Variants in ERI3 observed in about 807,000 individuals in gnomAD.
The protein encoded by ERI3 is ERI1 exoribonuclease 3.
ERI3 carries 18 observed loss-of-function variants against 44.4 expected under a neutral mutation model. The ratio of observed to expected loss-of-function variants is 0.41; its 90% CI spans 0.28 to 0.60. The LOEUF (loss-of-function observed/expected upper bound fraction) is 0.60. Ranked by LOEUF, ERI3 falls within the 20% of genes least tolerant of loss-of-function variation. The pLI, the probability that ERI3 is intolerant of heterozygous loss-of-function variation, is 0.36. For synonymous variants in ERI3, 183 were observed against 164.8 expected (o/e 1.11, Z -0.84); for missense variants, 294 against 435.5 (o/e 0.68, Z 2.89).
At position 44,241,089 on chromosome 1, in the gene ERI3, TGTC is replaced by T. The variant is rs1644423108; in HGVS notation, c.931+6847_931+6849del. On this transcript the variant is annotated intron_variant, in intron 8 of 8. Coordinates refer to ENST00000372257, the MANE Select transcript of ERI3 (RefSeq NM_024066.3). This position sits in a 1 kb window ranked among gnomAD's most constrained non-coding sequence, Gnocchi z 5.6. ...CTGTGAATGCCACTGGAGTGAAGGCTGTCTGTGCCACTCTAGGGATTGATTCTC... is the reference window on the plus strand; with the variant it reads ...CTGTGAATGCCACTGGAGTGAAGGCTTGTGCCACTCTAGGGATTGATTCTC... Among the ~76,000 whole-genome samples the T allele has an allele frequency of 6.6e-6, 1 of 152,176 alleles. No homozygotes were observed. The highest frequency in any genetic ancestry group is 1.5e-5 in the Non-Finnish European group (1 of 68,006).
chr1:44,248,426 C>T (rs941781671), intron 7 of ERI3, among the ~76,000 whole-genome samples: 3 of 152,160 alleles, frequency 2.0e-5, no homozygotes, highest in Non-Finnish European at 4.4e-5. Context: ...TGGGCCTCCT[C>T]CTCACAGTAT....
intron 7 of ERI3, among the ~76,000 whole-genome samples, chr1:44,261,487 G>C (rs1644892569): frequency 6.6e-6 from 1 of 152,236 alleles, no homozygotes; most frequent in African/African-American, 2.4e-5. Flanking sequence ...CAAAAGGAGA[G>C]ACAGAAGAGA....
intron 7 of ERI3, among the ~76,000 whole-genome samples, chr1:44,259,732 C>A (rs1375987531): frequency 1.2e-5 from 1 of 84,546 alleles, no homozygotes; most frequent in Non-Finnish European, 2.3e-5. Context: ...ACAAATTAGC[C>A]AGGCATGGTG....
chr1:44,325,783 T>C (rs992375775), intron 3 of ERI3, among the ~76,000 whole-genome samples: 5 of 152,122 alleles, frequency 3.3e-5, no homozygotes, highest in Non-Finnish European at 5.9e-5. Flanking sequence ...TGCCTCAGCC[T>C]CCCAAGTAGC....
intron 5 of ERI3, among the ~76,000 whole-genome samples, chr1:44,310,943 T>C (rs114357105): frequency 0.011 from 1,551 of 140,766 alleles, 32 homozygotes; most frequent in African/African-American, 0.038. Flanking sequence ...CTTGCATGTA[T>C]GTGCACATCG....
intron 8 of ERI3, among the ~76,000 whole-genome samples, chr1:44,239,782 A>AAGAGGAGGGAGAGGAGGGAGAGGAGGG (rs200896982): frequency 1.3e-5 from 2 of 152,108 alleles, no homozygotes; most frequent in African/African-American, 4.8e-5. Context: ...GAAGAAAGGA[A>AAGAGGAGGGAGAGGAGGGAGAGGAGGG]AGAGGAGGGA....
intron 6 of ERI3, 46 bp downstream of exon 6, chr1:44,308,264 C>T (rs1357589012): frequency 7.1e-7 from 1 of 1,417,744 alleles, no homozygotes; most frequent in Non-Finnish European, 1.0e-6. Flanking sequence ...GACCTGGTCC[C>T]ACAGATTCCA....
At chr1:44,326,241 T>C (rs1287627708) in intron 3 of ERI3, among the ~76,000 whole-genome samples, 2 of 152,132 alleles carry the variant, frequency 1.3e-5, no homozygotes, top group Non-Finnish European at 2.9e-5. Context: ...CTGGAAAACA[T>C]GTGGGTTTTA....
At position 44,334,919 on chromosome 1, in the gene ERI3, T is replaced by C. The variant is rs549000724; in HGVS notation, c.489+4126A>G. On this transcript the variant is annotated intron_variant, in intron 3 of 8. Transcript: ENST00000372257. ...CTCAGGAACTTCTGGAAATCAAAGATAGATAAAAGAGCCCCACATTAAGCC... is the reference window on the plus strand; with the variant it reads ...CTCAGGAACTTCTGGAAATCAAAGACAGATAAAAGAGCCCCACATTAAGCC... 1.4e-4 allele frequency among the ~76,000 whole-genome samples: 21 copies of C among 152,248 alleles called. No homozygotes were observed. In the East Asian group the frequency reaches 3.5e-3, roughly 25 times the overall value.
chr1:44,265,439 C>T (rs563530110), intron 7 of ERI3, among the ~76,000 whole-genome samples: 3 of 152,344 alleles, frequency 2.0e-5, no homozygotes, highest in African/African-American at 7.2e-5. Context: ...TATTCACTGA[C>T]ATTTACTGAG....
intron 7 of ERI3, among the ~76,000 whole-genome samples, chr1:44,266,335 G>A (rs1488729257): frequency 6.6e-6 from 1 of 152,210 alleles, no homozygotes; most frequent in Non-Finnish European, 1.5e-5. Flanking sequence ...AATAAGGCTT[G>A]GAAGTAGACC....
chr1:44,295,794 A>G (rs1426977426), intron 6 of ERI3, among the ~76,000 whole-genome samples: 2 of 152,220 alleles, frequency 1.3e-5, no homozygotes, highest in African/African-American at 4.8e-5. Context: ...AAATTTCAAC[A>G]GGAAACATCA....
rs529782344 is a variant in ERI3, at chr1:44,287,377, G to A, written c.759-2470C>T. ...ACTCCAGAAAGTTCAAGGCAGTCCGGCCTTCCCTCCATTACCCTTCAAATA... is the reference window on the plus strand; with the variant it reads ...ACTCCAGAAAGTTCAAGGCAGTCCGACCTTCCCTCCATTACCCTTCAAATA... On this transcript the variant is annotated intron_variant, in intron 6 of 8. Transcript: ENST00000372257. Among the ~76,000 whole-genome samples the A allele has an allele frequency of 3.3e-5, 5 of 152,332 alleles. No individual in the cohort carries two copies. In the East Asian group the frequency reaches 9.7e-4, roughly 29 times the overall value.
At chr1:44,340,221 C>T (rs535566016) in intron 2 of ERI3, among the ~76,000 whole-genome samples, 2 of 151,782 alleles carry the variant, frequency 1.3e-5, no homozygotes, top group African/African-American at 2.4e-5. Context: ...ATGCCTGCTC[C>T]TCAGAGGCCT....
chr1:44,274,805 T>C (rs1469919789), intron 7 of ERI3, among the ~76,000 whole-genome samples: 1 of 152,200 alleles, frequency 6.6e-6, no homozygotes, highest in Non-Finnish European at 1.5e-5. Flanking sequence ...CACTCTGGGC[T>C]GCTCTCCCAC....
At chr1:44,296,890 G>A (rs1645622417) in intron 6 of ERI3, among the ~76,000 whole-genome samples, 1 of 152,198 alleles carries the variant, frequency 6.6e-6, no homozygotes, top group African/African-American at 2.4e-5. Flanking sequence ...GAAGAAGAGA[G>A]TGTTTGAGTG....
At chr1:44,305,101 G>A (rs1286843245) in intron 6 of ERI3, among the ~76,000 whole-genome samples, 1 of 151,600 alleles carries the variant, frequency 6.6e-6, no homozygotes, top group Admixed American at 6.6e-5. Context: ...GCCTCCCTCA[G>A]GTCAGCTCTT....
chr1:44,259,030 A>T (rs1417993105), intron 7 of ERI3, among the ~76,000 whole-genome samples: 2 of 152,026 alleles, frequency 1.3e-5, no homozygotes, highest in Non-Finnish European at 2.9e-5. Context: ...AATCACACTG[A>T]CTCATTCACA....
At position 44,252,979 on chromosome 1, in the gene ERI3, G is replaced by A. The variant is rs950861600; in HGVS notation, c.832-4941C>T. ...CAGGCCTTTAACCATACCTCTGGATGACTTGTCACCCTGCAGGTGATTGCT... is the reference window on the plus strand; with the variant it reads ...CAGGCCTTTAACCATACCTCTGGATAACTTGTCACCCTGCAGGTGATTGCT... On this transcript the variant is annotated intron_variant, in intron 7 of 8. Coordinates refer to ENST00000372257, the MANE Select transcript of ERI3 (RefSeq NM_024066.3). The surrounding 1 kb of genome is among the most constrained non-coding windows in gnomAD (Gnocchi z 4.7). Among the ~76,000 whole-genome samples the A allele has an allele frequency of 6.6e-6, 1 of 152,204 alleles. No homozygotes were observed. Among genetic ancestry groups the A allele is most frequent in the African/African-American group, 2.4e-5 (1 of 41,450 alleles).
Sources: gnomAD v4.1 joint callset for allele counts (sites outside exome capture counted in the v4.1 genomes callset) on GRCh38, gnomAD v4.1.1 for gene constraint, Gnocchi (gnomAD v3.1) non-coding constraint, MANE v1.5 for transcripts, NCBI Gene and HGNC (gene_info 2026-07-23, HGNC 2026-07-21) for gene names.